NELL1: variants seen among roughly 807,000 people sequenced by gnomAD.
The protein encoded by NELL1 is protein kinase C-binding protein NELL1.
A neutral mutation model predicts 107.4 loss-of-function variants in NELL1; 76 were observed. That is an observed-to-expected ratio of 0.71 (90% CI 0.59 to 0.86). The LOEUF is 0.86. NELL1 is among the 40% of genes least tolerant of loss of function. The pLI is 0.00. For synonymous variants in NELL1, 353 were observed against 341.2 expected (o/e 1.03, Z -0.38); for missense variants, 1,024 against 1,005.5 (o/e 1.02, Z -0.25).
In NELL1 at chr11:21,389,665, C is replaced by T. The variant is rs187269902; in HGVS notation, c.1645+18717C>T. On this transcript the variant is annotated intron_variant, in intron 15 of 19. Transcript: ENST00000357134. ...TCCTGTTTTTAAATGTTGTACAAAT[C>T]GAATCAGACTATAAGGCCTGTTTGT... Among the ~76,000 whole-genome samples the T allele has an allele frequency of 1.6e-3, 246 of 151,898 alleles. 1 individual carries two copies. Among genetic ancestry groups the T allele is most frequent in the Non-Finnish European group, 2.8e-3 (187 of 67,850 alleles).
chr11:21,530,945 G>C (rs564871800), intron 15 of NELL1, among the ~76,000 whole-genome samples: 64 of 151,992 alleles, frequency 4.2e-4, no homozygotes, highest in Non-Finnish European at 8.2e-4. Context: ...AAATTGCTTG[G>C]TACTCCCACT....
chr11:20,693,513 T>G (rs200304123), intron 2 of NELL1, among the ~76,000 whole-genome samples: 1 of 152,202 alleles, frequency 6.6e-6, no homozygotes, highest in Admixed American at 6.6e-5. Context: ...TTTGCTTGTC[T>G]GTAAAGTATT....
intron 12 of NELL1, among the ~76,000 whole-genome samples, chr11:21,056,331 T>G (rs1461509380): frequency 6.6e-6 from 1 of 152,176 alleles, no homozygotes; most frequent in African/African-American, 2.4e-5. Flanking sequence ...TTGCTAACTT[T>G]TAGAAGTCAA....
intron 5 of NELL1, among the ~76,000 whole-genome samples, chr11:20,912,442 T>G (rs1476303395): frequency 1.3e-5 from 2 of 152,178 alleles, no homozygotes; most frequent in East Asian, 3.9e-4. Flanking sequence ...TTCCCTTTGA[T>G]GCATTCTGAG....
intron 3 of NELL1, among the ~76,000 whole-genome samples, chr11:20,824,164 C>T (rs1388312627): frequency 2.0e-5 from 3 of 151,112 alleles, no homozygotes; most frequent in South Asian, 4.2e-4. Flanking sequence ...AAGGGGCTTT[C>T]CCCCACTTCG....
At chr11:21,179,250 T>A (rs907301971) in intron 13 of NELL1, among the ~76,000 whole-genome samples, 14 of 151,912 alleles carry the variant, frequency 9.2e-5, no homozygotes, top group African/African-American at 3.2e-4. Flanking sequence ...AGAGAATATT[T>A]TAGGCAAGTG....
At chr11:21,435,957 G>A (rs1195935356) in intron 15 of NELL1, among the ~76,000 whole-genome samples, 4 of 152,124 alleles carry the variant, frequency 2.6e-5, no homozygotes, top group Admixed American at 6.5e-5. Context: ...TCATAGTAAA[G>A]CAATCAGTGC....
intron 12 of NELL1, among the ~76,000 whole-genome samples, chr11:20,963,281 C>A (rs532946059): frequency 2.6e-5 from 4 of 152,126 alleles, no homozygotes; most frequent in Non-Finnish European, 4.4e-5. Context: ...CCACCATAAC[C>A]ACATGCAGAA....
rs572732917 is a variant in NELL1 at position 20,908,361 on chromosome 11, A to C, written c.604-9821A>C. On this transcript the variant is annotated intron_variant, in intron 5 of 19. Coordinates refer to ENST00000357134, the MANE Select transcript of NELL1 (RefSeq NM_006157.5). ...AAAATGTGGTACATATACACCAGGG[A>C]GTACTACACAGCCATAAAAAGGGAC... is the stretch of plus-strand genomic sequence containing the variant. 1.7e-3 allele frequency among the ~76,000 whole-genome samples: 264 copies of C among 152,342 alleles called. 1 individual carries two copies. Among genetic ancestry groups the C allele is most frequent in the Non-Finnish European group, 2.8e-3 (190 of 68,036 alleles).
At chr11:20,786,350 C>CAGA (rs1856956376) in intron 3 of NELL1, among the ~76,000 whole-genome samples, 1 of 125,398 alleles carries the variant, frequency 8.0e-6, no homozygotes, top group Admixed American at 8.5e-5. Flanking sequence ...AACCCCATCT[C>CAGA]AAAAAAAAAA....
chr11:21,028,454 C>T (rs1852874534), intron 12 of NELL1, among the ~76,000 whole-genome samples: 1 of 152,112 alleles, frequency 6.6e-6, no homozygotes, highest in Non-Finnish European at 1.5e-5. Context: ...TGCTGAAGAC[C>T]TAAATTGGCA....
intron 14 of NELL1, among the ~76,000 whole-genome samples, chr11:21,309,280 G>T (rs201849907): frequency 1.8e-5 from 2 of 108,606 alleles, no homozygotes; most frequent in East Asian, 2.6e-4. Context: ...ATATATATAT[G>T]TATATATATA....
chr11:21,486,126 C>G (rs1171219805), intron 15 of NELL1, among the ~76,000 whole-genome samples: 2 of 152,054 alleles, frequency 1.3e-5, no homozygotes, highest in Non-Finnish European at 2.9e-5. Flanking sequence ...TGGACCATTC[C>G]TGATACTACC....
intron 14 of NELL1, among the ~76,000 whole-genome samples, chr11:21,287,608 C>T (rs1046425729): frequency 1.3e-5 from 2 of 152,104 alleles, no homozygotes; most frequent in African/African-American, 4.8e-5. Context: ...TGTTAAAGGA[C>T]CATCTATTCT....
chr11:21,298,540 G>A (rs574271133), intron 14 of NELL1, among the ~76,000 whole-genome samples: 1 of 151,930 alleles, frequency 6.6e-6, no homozygotes, highest in African/African-American at 2.4e-5. Flanking sequence ...CAAGGAGCCT[G>A]CAGGAGTTTC....
intron 15 of NELL1, among the ~76,000 whole-genome samples, chr11:21,510,210 T>A (rs1312996699): frequency 6.6e-6 from 1 of 152,176 alleles, no homozygotes; most frequent in Non-Finnish European, 1.5e-5. Context: ...TCATAATCCA[T>A]AATGGATGGC....
At chr11:20,847,221 AC>A (rs112334092) in intron 3 of NELL1, among the ~76,000 whole-genome samples, 4 of 152,332 alleles carry the variant, frequency 2.6e-5, no homozygotes, top group African/African-American at 9.6e-5. Context: ...TCTGAAAATA[AC>A]CATCAATAGA....
chr11:21,277,729 A>T (rs1427843298), intron 14 of NELL1, among the ~76,000 whole-genome samples: 3 of 152,212 alleles, frequency 2.0e-5, no homozygotes, highest in Non-Finnish European at 4.4e-5. Flanking sequence ...ATAAAAAAGG[A>T]TGAGTTCTTG....
At chr11:21,507,160 C>A (rs567475625) in intron 15 of NELL1, among the ~76,000 whole-genome samples, 203 of 152,322 alleles carry the variant, frequency 1.3e-3, no homozygotes, top group African/African-American at 4.8e-3. Flanking sequence ...CTCCTTCAAT[C>A]AAATCACAAT....
Sources: gnomAD v4.1 joint callset for allele counts (sites outside exome capture counted in the v4.1 genomes callset) on GRCh38, gnomAD v4.1.1 for gene constraint, MANE v1.5 for transcripts, NCBI Gene and HGNC (gene_info 2026-07-23, HGNC 2026-07-21) for gene names.